Variants in JMJD1C observed in about 807,000 individuals in gnomAD.
JMJD1C encodes jumonji domain-containing protein 1C.
JMJD1C carries 31 observed loss-of-function variants against 245.3 expected under a neutral mutation model. The ratio of observed to expected loss-of-function variants is 0.13; its 90% CI spans 0.09 to 0.17. JMJD1C has a LOEUF of 0.17. Among genes scored for constraint, JMJD1C ranks in the 10% least tolerant of loss-of-function variants. JMJD1C has a pLI of 1.00. For missense variants in JMJD1C, 2,691 were observed against 3,000.2 expected, an observed-to-expected ratio of 0.90 and a Z score of 2.41; for synonymous variants, 1,057 against 1,017.4, an observed-to-expected ratio of 1.04 and a Z score of -0.74.
chr10:63,215,128 G>C lies in JMJD1C; in HGVS notation c.1039C>G (p.His347Asp), dbSNP rs1375930091. 2 of 1,565,206 alleles carry C rather than the reference G, an allele frequency of 1.3e-6. 1 individual carries two copies. The highest frequency in any genetic ancestry group is 3.4e-4 in the Middle Eastern group (2 of 5,808). Reference protein sequence around the residue: ...RGENPKGKNKHLMNKRRKPEE... With the variant: ...RGENPKGKNKDLMNKRRKPEE... ...GGTTTCCTTCTTTTATTCATCAAGT[G>C]TTTGTTTTTACCTTTAGGATTTTCT... Residue 347 changes from histidine to aspartate, a missense_variant, in exon 8 of 26, where the codon CAC becomes GAC. Physicochemically the swap from His to Asp is moderately conservative, Grantham distance 81. Coordinates refer to ENST00000399262, the MANE Select transcript of JMJD1C (RefSeq NM_032776.3).
intron 1 of JMJD1C, among the ~76,000 whole-genome samples, chr10:63,420,531 C>T (rs1411918081): frequency 6.6e-6 from 1 of 151,442 alleles, no homozygotes; most frequent in African/African-American, 2.4e-5. Context: ...ATGGCAAAAC[C>T]CCGTCTTCAC....
chr10:63,414,646 G>A (rs775623358), intron 1 of JMJD1C, among the ~76,000 whole-genome samples: 3 of 152,004 alleles, frequency 2.0e-5, no homozygotes, highest in Non-Finnish European at 4.4e-5. Context: ...CCAACACTTT[G>A]GGAGGCTGAG....
chr10:63,226,216 A>C (rs942049348), intron 3 of JMJD1C, among the ~76,000 whole-genome samples: 2 of 152,194 alleles, frequency 1.3e-5, no homozygotes, highest in Non-Finnish European at 2.9e-5. Context: ...GAAATAGTCA[A>C]ATACTCATCA....
chr10:63,209,128 C>T lies in JMJD1C; in HGVS notation c.2802G>A (p.Arg934=), dbSNP rs1383566127. Residue 934 remains arginine (R), a synonymous_variant, in exon 9 of 26, where the codon CGG becomes CGA. Coordinates refer to ENST00000399262, the MANE Select transcript of JMJD1C (RefSeq NM_032776.3). The stretch of plus-strand genomic sequence containing the variant: ...TGGAATGGGCTGTAATTTTAAGAGG[C>T]CGATGAGGCTCTGCACTGGAAGGTC... ...PVRPSSAEPH[R]PLKITAHSSP... is the part of the protein sequence containing the mutation. 1 of 1,613,684 alleles carries T rather than the reference C, an allele frequency of 6.2e-7. No homozygotes were observed. The highest frequency in any genetic ancestry group is 2.2e-5 in the East Asian group (1 of 44,882).
chr10:63,500,746 A>AGGATGGATGGATGGATGGATGGATGGAT (rs780486083), intron 1 of JMJD1C, among the ~76,000 whole-genome samples: 20 of 112,068 alleles, frequency 1.8e-4, no homozygotes, highest in Non-Finnish European at 1.0e-4. Flanking sequence ...GATGGATGGA[A>AGGATGGATGGATGGATGGATGGATGGAT]GGATGGATGG....
intron 2 of JMJD1C, among the ~76,000 whole-genome samples, chr10:63,340,155 A>C (rs1246765874): frequency 6.6e-6 from 1 of 152,236 alleles, no homozygotes; most frequent in East Asian, 1.9e-4. Context: ...CACATGTGGG[A>C]ATTTCCACAC....
chr10:63,275,705 T>C (rs775894217), intron 2 of JMJD1C, among the ~76,000 whole-genome samples: 1 of 152,190 alleles, frequency 6.6e-6, no homozygotes, highest in Non-Finnish European at 1.5e-5. Flanking sequence ...ATAGTTTTCT[T>C]AACAAGTAAC....
intron 1 of JMJD1C, among the ~76,000 whole-genome samples, chr10:63,404,757 T>A (rs1949072363): frequency 6.6e-6 from 1 of 152,066 alleles, no homozygotes; most frequent in Non-Finnish European, 1.5e-5. Flanking sequence ...AACATAGTAA[T>A]TAGGGAAGGA....
intron 2 of JMJD1C, among the ~76,000 whole-genome samples, chr10:63,297,149 G>A (rs1488787292): frequency 6.6e-6 from 1 of 152,222 alleles, no homozygotes; most frequent in Non-Finnish European, 1.5e-5. Context: ...AAATAAACCA[G>A]GCGCGGTGGC....
chr10:63,220,196 T>A (rs371942701), intron 3 of JMJD1C, among the ~76,000 whole-genome samples: 1 of 152,246 alleles, frequency 6.6e-6, no homozygotes, highest in Non-Finnish European at 1.5e-5. Context: ...TTGACAACAA[T>A]GTCCTAAAGT....
intron 2 of JMJD1C, among the ~76,000 whole-genome samples, chr10:63,284,760 A>G (rs1353313422): frequency 6.6e-6 from 1 of 152,142 alleles, no homozygotes; most frequent in Non-Finnish European, 1.5e-5. Context: ...CAATTATTAC[A>G]GTTCAGAGTT....
At chr10:63,494,647 T>C (rs751489998) in intron 1 of JMJD1C, among the ~76,000 whole-genome samples, 3 of 152,228 alleles carry the variant, frequency 2.0e-5, no homozygotes, top group Non-Finnish European at 4.4e-5. Flanking sequence ...ATTTCCCTTT[T>C]AGAAATCTTG....
intron 3 of JMJD1C, among the ~76,000 whole-genome samples, chr10:63,248,173 T>A (rs1852508353): frequency 6.6e-6 from 1 of 151,686 alleles, no homozygotes; most frequent in African/African-American, 2.4e-5. Context: ...TTAAAAAATT[T>A]AGCAGAAGGC....
chr10:63,179,329 A>C (rs898305362), intron 22 of JMJD1C, among the ~76,000 whole-genome samples: 6 of 152,024 alleles, frequency 3.9e-5, no homozygotes, highest in African/African-American at 1.5e-4. Flanking sequence ...GAATCGCTTG[A>C]ACCCAGGAGG....
intron 3 of JMJD1C, among the ~76,000 whole-genome samples, chr10:63,257,633 C>T (rs1363324103): frequency 6.6e-6 from 1 of 152,174 alleles, no homozygotes; most frequent in Non-Finnish European, 1.5e-5. Flanking sequence ...TATTGAATAT[C>T]ACTTCTACTT....
chr10:63,226,844 G>C (rs1849351882), intron 3 of JMJD1C, among the ~76,000 whole-genome samples: 1 of 151,964 alleles, frequency 6.6e-6, no homozygotes. Context: ...GATCACCTGA[G>C]GTCATGAGTT....
At chr10:63,427,324 GTGCT>G in intron 1 of JMJD1C, 1 of 1,022,164 alleles carries the variant, frequency 9.8e-7, no homozygotes, top group Admixed American at 2.0e-5. Context: ...GGGCCAGGGC[GTGCT>G]CCAGAGTTCC....
In JMJD1C at chr10:63,465,573, G is replaced by C. The variant is rs777794108; in HGVS notation, c.90C>G (p.Ser30Arg). 6.2e-7 allele frequency: 1 copy of C among 1,608,440 alleles called. No individual in the cohort carries two copies. The highest frequency in any genetic ancestry group is 1.7e-4 in the Middle Eastern group (1 of 6,052). ...GDEARSERWE[S>R]GRGWRSWRAG... is the part of the protein sequence containing the mutation. ...CTCGCCAGCTTCGCCAGCCGCGTCC[G>C]CTCTCCCAGCGCTCCGAACGTGCCT... Residue 30 changes from serine (S) to arginine (R), a missense_variant, in exon 1 of 26, where the codon AGC becomes AGG. Around this residue, in one of 9 missense-constraint regions of JMJD1C, gnomAD observed 135 missense variants for 115.5 expected, o/e 1.17. Transcript: ENST00000399262.
intron 5 of JMJD1C, among the ~76,000 whole-genome samples, chr10:63,216,966 G>C (rs1267573763): frequency 6.6e-6 from 1 of 152,122 alleles, no homozygotes. Flanking sequence ...AATTAAAAGA[G>C]TTTAATGCCT....
Sources: gnomAD v4.1 joint callset for allele counts (sites outside exome capture counted in the v4.1 genomes callset) on GRCh38, gnomAD v4.1.1 for gene constraint, gnomAD v4.1.1 regional missense constraint, MANE v1.5 for transcripts, NCBI Gene and HGNC (gene_info 2026-07-23, HGNC 2026-07-21) for gene names.